FGF7: variants seen among roughly 807,000 people sequenced by gnomAD.
FGF7 encodes the protein FGF-7.
FGF7 carries 6 observed loss-of-function variants against 20.5 expected under a neutral mutation model. The observed-to-expected ratio is 0.29, with a 90% CI of 0.16 to 0.58. The LOEUF (loss-of-function observed/expected upper bound fraction) is 0.58. Ranked by LOEUF, FGF7 falls within the 20% of genes least tolerant of loss-of-function variation. FGF7 has a pLI of 0.90. For missense variants in FGF7, 144 were observed against 228.8 expected, an observed-to-expected ratio of 0.63 and a Z score of 2.39; for synonymous variants, 64 against 74.7, an observed-to-expected ratio of 0.86 and a Z score of 0.74.
At position 49,486,610 on chromosome 15, in the gene FGF7, T is replaced by C. The variant is rs1489172632; in HGVS notation, c.*2106T>C. ...TACAGAAATTTAAATAGAAATAGTG[T>C]ATATACATATAAAATACAAGCTATG... is the stretch of plus-strand genomic sequence containing the variant. On this transcript the variant is annotated 3_prime_UTR_variant, in exon 4 of 4. Coordinates refer to ENST00000267843, the MANE Select transcript of FGF7 (RefSeq NM_002009.4). 1 of 151,996 alleles carries C rather than the reference T, an allele frequency of 6.6e-6. No homozygotes were observed. Among genetic ancestry groups the C allele is most frequent in the Non-Finnish European group, 1.5e-5 (1 of 67,908 alleles). The allele number at this position is 151,996 out of a possible 1,614,324, so 9.4% of individuals were successfully genotyped here. A position where few individuals can be genotyped will look rare whatever the true frequency, so the allele number is the denominator to read the frequency against.
At chr15:49,457,305 A>G (rs566493904) in intron 2 of FGF7, among the ~76,000 whole-genome samples, 1 of 152,138 alleles carries the variant, frequency 6.6e-6, no homozygotes, top group Non-Finnish European at 1.5e-5. Flanking sequence ...ATGGAAAAAA[A>G]TCAAATCAGC....
chr15:49,469,318 G>A (rs1325340032), intron 2 of FGF7, among the ~76,000 whole-genome samples: 1 of 152,050 alleles, frequency 6.6e-6, no homozygotes, highest in Non-Finnish European at 1.5e-5. Flanking sequence ...GAAAACTGCT[G>A]TTTATTCCAG....
At chr15:49,448,710 T>C (rs1437308682) in intron 2 of FGF7, among the ~76,000 whole-genome samples, 3 of 151,708 alleles carry the variant, frequency 2.0e-5, no homozygotes, top group Non-Finnish European at 2.9e-5. Flanking sequence ...TTGCTTTTAA[T>C]ACATGTGGCT....
At chr15:49,477,336 C>T (rs1416136755) in intron 2 of FGF7, among the ~76,000 whole-genome samples, 1 of 152,208 alleles carries the variant, frequency 6.6e-6, no homozygotes, top group African/African-American at 2.4e-5. Flanking sequence ...AGCTTTTCAT[C>T]CTTTTTCTGC....
rs1398169361 is a variant in FGF7, at chr15:49,423,253, C to G, written c.-454C>G. On this transcript the variant is annotated 5_prime_UTR_variant, in exon 1 of 4. Transcript: ENST00000267843. ...TGAATAAAAGGCTCACACACACACA[C>G]AAGCACACACGCGCTCACACACAGA... 6.6e-6 allele frequency: 1 copy of G among 152,456 alleles called. No individual in the cohort carries two copies. Among genetic ancestry groups the G allele is most frequent in the African/African-American group, 2.4e-5 (1 of 41,438 alleles). The allele number at this position is 152,456 out of a possible 1,614,324, so 9.4% of individuals were successfully genotyped here.
intron 2 of FGF7, among the ~76,000 whole-genome samples, chr15:49,439,604 AG>A (rs1826444970): frequency 6.6e-6 from 1 of 151,776 alleles, no homozygotes; most frequent in Non-Finnish European, 1.5e-5. Flanking sequence ...AGAGAAACAG[AG>A]CAATAAGTTT....
chr15:49,446,684 T>C (rs2052251576), intron 2 of FGF7, among the ~76,000 whole-genome samples: 1 of 151,510 alleles, frequency 6.6e-6, no homozygotes, highest in Non-Finnish European at 1.5e-5. Context: ...CCTGTCTAGC[T>C]GGAGAATATG....
intron 2 of FGF7, among the ~76,000 whole-genome samples, chr15:49,448,476 G>A (rs905827980): frequency 4.6e-5 from 7 of 151,312 alleles, no homozygotes; most frequent in African/African-American, 1.7e-4. Flanking sequence ...AATTTAAAAA[G>A]CAATTTTAAA....
chr15:49,446,099 T>A (rs72727294), intron 2 of FGF7, among the ~76,000 whole-genome samples: 7,750 of 151,610 alleles, frequency 0.051, 268 homozygotes, highest in East Asian at 0.072. Flanking sequence ...CACTACCTTT[T>A]AAGTAAAGAT....
chr15:49,483,115 C>T (rs759503306), intron 2 of FGF7, 36 bp from the exon 3 acceptor site: 14 of 1,158,788 alleles, frequency 1.2e-5, no homozygotes, highest in African/African-American at 6.0e-5. Context: ...CAAAACTGAA[C>T]GAATATTTGA....
At chr15:49,480,763 G>A (rs1365108376) in intron 2 of FGF7, among the ~76,000 whole-genome samples, 1 of 152,130 alleles carries the variant, frequency 6.6e-6, no homozygotes, top group African/African-American at 2.4e-5. Context: ...GATTACAGGT[G>A]TGAGCTACCA....
intron 2 of FGF7, among the ~76,000 whole-genome samples, chr15:49,446,662 G>A (rs185917427): frequency 2.0e-5 from 3 of 151,568 alleles, no homozygotes; most frequent in Non-Finnish European, 4.4e-5. Context: ...AGTGAGGAAT[G>A]GGGATCTCTG....
intron 2 of FGF7, among the ~76,000 whole-genome samples, chr15:49,444,139 G>A (rs1404679111): frequency 1.3e-5 from 2 of 151,486 alleles, no homozygotes; most frequent in Non-Finnish European, 3.0e-5. Flanking sequence ...GGCATTGCTG[G>A]GATAGCAGAA....
Position 49,458,545 on chromosome 15 carries a change from T to G in FGF7, c.287-24606T>G, listed in dbSNP as rs1338280453. Reference sequence around the variant, plus strand: ...TAAGATAATACTCACTAGAAGAAACTCTTTAAGAACAGGATGACTAAAAAT... The same window carrying G: ...TAAGATAATACTCACTAGAAGAAACGCTTTAAGAACAGGATGACTAAAAAT... On this transcript the variant is annotated intron_variant, in intron 2 of 3. Transcript: ENST00000267843. Among the ~76,000 whole-genome samples the G allele has an allele frequency of 2.0e-5, 3 of 152,228 alleles. No individual in the cohort carries two copies. In the East Asian group the frequency reaches 5.8e-4, roughly 29 times the overall value.
chr15:49,452,060 GAGAT>G (rs2052803485), intron 2 of FGF7, among the ~76,000 whole-genome samples: 1 of 147,150 alleles, frequency 6.8e-6, no homozygotes, highest in African/African-American at 2.5e-5. Context: ...TTTTTTTTTT[GAGAT>G]AGAGTCTTGC....
intron 2 of FGF7, among the ~76,000 whole-genome samples, chr15:49,479,610 T>TTTTTTTG (rs1567359360): frequency 6.0e-5 from 8 of 133,946 alleles, no homozygotes; most frequent in African/African-American, 2.0e-4. Context: ...TTTTTTTTTT[T>TTTTTTTG]TTTTTTTTTT....
intron 2 of FGF7, among the ~76,000 whole-genome samples, chr15:49,438,147 G>A (rs970196594): frequency 7.9e-5 from 12 of 151,620 alleles, no homozygotes; most frequent in African/African-American, 2.7e-4. Flanking sequence ...AGACTGCAGG[G>A]AAGTCTCATA....
intron 2 of FGF7, among the ~76,000 whole-genome samples, chr15:49,463,813 G>A (rs895026653): frequency 6.6e-6 from 1 of 152,162 alleles, no homozygotes; most frequent in African/African-American, 2.4e-5. Flanking sequence ...AGGCAAGGCA[G>A]CTTCTGTAAG....
chr15:49,428,952 G>A (rs2151772240), intron 2 of FGF7, among the ~76,000 whole-genome samples: 1 of 152,120 alleles, frequency 6.6e-6, no homozygotes, highest in Non-Finnish European at 1.5e-5. Context: ...TTTGACTTTG[G>A]CTACAAAACC....
Sources: gnomAD v4.1 joint callset for allele counts (sites outside exome capture counted in the v4.1 genomes callset) on GRCh38, gnomAD v4.1.1 for gene constraint, MANE v1.5 for transcripts, NCBI Gene and HGNC (gene_info 2026-07-23, HGNC 2026-07-21) for gene names.